NTRK1: variants seen among roughly 807,000 people sequenced by gnomAD.
The protein encoded by NTRK1 is high affinity nerve growth factor receptor.
Under a neutral mutation model 86.8 loss-of-function variants are expected in NTRK1, and 62 were observed. The observed-to-expected ratio is 0.71, with a 90% confidence interval of 0.58 to 0.88. The LOEUF is 0.88. Among genes scored for constraint, NTRK1 ranks in the 40% least tolerant of loss-of-function variants. The pLI is 0.00. For synonymous variants in NTRK1, 469 were observed against 456.6 expected (o/e 1.03, Z -0.35); for missense variants, 967 against 1,078.4 (o/e 0.90, Z 1.45).
rs2102930881 is a variant in NTRK1, at chr1:156,881,515, A to G, written c.2264A>G (p.Glu755Gly). The change falls in exon 17 of 17, where the codon GAG becomes GGG. Residue 755 changes from glutamate to glycine, a missense_variant. By Grantham distance (98) the Glu-to-Gly change is moderately conservative. Around this residue, in one of 2 missense-constraint regions of NTRK1, gnomAD observed 637 missense variants for 776.5 expected, o/e 0.82. Transcript: ENST00000524377. ...ELERPRACPP[E>G]VYAIMRGCWQ... ...GAGCGGCCACGTGCCTGCCCACCAG[A>G]GGTCTACGCCATCATGCGGGGCTGC... 1 of 1,599,532 alleles carries G rather than the reference A, an allele frequency of 6.3e-7. No individual in the cohort carries two copies. Among genetic ancestry groups the G allele is most frequent in the Non-Finnish European group, 8.5e-7 (1 of 1,173,384 alleles).
chr1:156,849,305 G>T (rs1481817447), intron 2 of NTRK1: 2 of 1,613,984 alleles, frequency 1.2e-6, no homozygotes, highest in Non-Finnish European at 1.7e-6. Flanking sequence ...CCGACCTCGC[G>T]TGCCTGTCAC....
chr1:156,817,044 C>CTTTCTCTCTCTCTCTCTCTCT (rs1654008152), intron 1 of NTRK1, among the ~76,000 whole-genome samples: 1 of 20,470 alleles, frequency 4.9e-5, no homozygotes, highest in African/African-American at 1.0e-4. Flanking sequence ...CTAGAACTTC[C>CTTTCTCTCTCTCTCTCTCTCT]CTTTCTCTCT....
At chr1:156,847,372 G>A (rs1043269497) in intron 2 of NTRK1, among the ~76,000 whole-genome samples, 7 of 152,228 alleles carry the variant, frequency 4.6e-5, no homozygotes, top group African/African-American at 1.2e-4. Flanking sequence ...GGCCAGTTTC[G>A]GGGCAGGGCT....
chr1:156,816,663 CT>C (rs756086205), intron 1 of NTRK1: 2 of 1,602,334 alleles, frequency 1.2e-6, no homozygotes, highest in Non-Finnish European at 8.5e-7. Flanking sequence ...TATCCTTCAA[CT>C]TCACACTTAC....
chr1:156,842,966 T>A (rs1381301364), intron 2 of NTRK1: 1 of 1,503,518 alleles, frequency 6.7e-7, no homozygotes, highest in Non-Finnish European at 9.2e-7. Flanking sequence ...ACCTTTACAC[T>A]AATTATGACC....
intron 1 of NTRK1, chr1:156,841,130 G>C: frequency 6.6e-7 from 1 of 1,522,202 alleles, no homozygotes. Context: ...AGCAGGGTCA[G>C]AGGCATCCGG....
chr1:156,826,592 C>T (rs534806965), intron 1 of NTRK1, among the ~76,000 whole-genome samples: 100 of 152,264 alleles, frequency 6.6e-4, no homozygotes, highest in Admixed American at 3.0e-3. Context: ...CCCGGCTGAT[C>T]TCTAAGTAGT....
chr1:156,845,682 G>A (rs762739029), intron 2 of NTRK1: 1 of 1,611,666 alleles, frequency 6.2e-7, no homozygotes, highest in East Asian at 2.2e-5. Context: ...GGCCTCTTGC[G>A]CCTCCAGCGG....
intron 6 of NTRK1, among the ~76,000 whole-genome samples, chr1:156,869,656 C>T (rs1385570696): frequency 6.6e-6 from 1 of 152,232 alleles, no homozygotes; most frequent in Non-Finnish European, 1.5e-5. Context: ...ACATGATGGC[C>T]TTCTGATGTC....
chr1:156,819,556 T>C (rs1009687787), intron 1 of NTRK1, among the ~76,000 whole-genome samples: 7 of 152,106 alleles, frequency 4.6e-5, no homozygotes, highest in Admixed American at 4.6e-4. Flanking sequence ...GTTTCGCTCT[T>C]GTTGCCCATG....
At chr1:156,870,441 A>G (rs1647485451) in intron 6 of NTRK1, among the ~76,000 whole-genome samples, 1 of 152,170 alleles carries the variant, frequency 6.6e-6, no homozygotes, top group African/African-American at 2.4e-5. Context: ...GCTCTCCCTC[A>G]GTTAGGAGGA....
At chr1:156,834,599 C>T (rs948121606) in intron 1 of NTRK1, among the ~76,000 whole-genome samples, 3 of 152,106 alleles carry the variant, frequency 2.0e-5, no homozygotes, top group East Asian at 3.8e-4. Context: ...TGATGCTGCC[C>T]TCTCTAAAGT....
chr1:156,864,496 G>C, intron 2 of NTRK1, 68 bp downstream of exon 2: 1 of 1,527,046 alleles, frequency 6.5e-7, no homozygotes, highest in Non-Finnish European at 9.1e-7. Flanking sequence ...AGGTCAGGGA[G>C]GGCTCAAGCA....
At chr1:156,867,795 T>C (rs1647252172) in intron 4 of NTRK1, among the ~76,000 whole-genome samples, 1 of 152,106 alleles carries the variant, frequency 6.6e-6, no homozygotes, top group Admixed American at 6.5e-5. Context: ...TGCCTCAGCC[T>C]CCTGAGTAGG....
chr1:156,832,602 G>A (rs893765502), intron 1 of NTRK1, among the ~76,000 whole-genome samples: 2 of 152,142 alleles, frequency 1.3e-5, no homozygotes, highest in East Asian at 1.9e-4. Flanking sequence ...GGGCATGCAG[G>A]CTTAGAGCTG....
chr1:156,838,271 T>A (rs1571651273), intron 1 of NTRK1, among the ~76,000 whole-genome samples: 1 of 152,186 alleles, frequency 6.6e-6, no homozygotes, highest in South Asian at 2.1e-4. Flanking sequence ...GCACCCATTC[T>A]CGGGTGGAAG....
chr1:156,844,720 C>T lies in NTRK1; in HGVS notation c.50+2527C>T, dbSNP rs756718400. ...ACGGGCACCTACCTCTCCCAAGCGGCGGTACTTGATTTCGTACTTGAGGAT... is the reference window on the plus strand; with the variant it reads ...ACGGGCACCTACCTCTCCCAAGCGGTGGTACTTGATTTCGTACTTGAGGAT... On this transcript the variant is annotated intron_variant, in intron 2 of 16. Transcript: ENST00000392302. 3.2e-5 allele frequency: 52 copies of T among 1,613,984 alleles called. No individual in the cohort carries two copies. The Admixed American group carries it at 8.5e-4, about 26-fold the overall frequency.
intron 1 of NTRK1, among the ~76,000 whole-genome samples, chr1:156,836,972 A>G (rs537158015): frequency 6.6e-6 from 1 of 152,210 alleles, no homozygotes; most frequent in Non-Finnish European, 1.5e-5. Flanking sequence ...ATCCACGCCC[A>G]GTGGTCACCC....
intron 10 of NTRK1, 54 bp downstream of exon 10, chr1:156,874,680 A>C (rs879102602): frequency 6.5e-7 from 1 of 1,545,972 alleles, no homozygotes; most frequent in South Asian, 1.1e-5. Flanking sequence ...GGCTGGGTAG[A>C]GGCTCATCTG....
Sources: allele counts gnomAD v4.1 joint callset (sites outside exome capture counted in the v4.1 genomes callset), GRCh38; gene constraint gnomAD v4.1.1; regional missense constraint gnomAD v4.1.1; transcripts MANE v1.5; gene names NCBI Gene and HGNC (gene_info 2026-07-23, HGNC 2026-07-21).